The following B3GALT1 variants were observed in gnomAD, a reference collection of about 807,000 sequenced individuals.
The protein encoded by B3GALT1 is UDP-Gal:betaGlcNAc beta 1,3-galactosyltransferase, polypeptide 1.
Under a neutral mutation model 23.2 loss-of-function variants are expected in B3GALT1, and 10 were observed. That is an observed-to-expected ratio of 0.43 (90% CI 0.27 to 0.73). The LOEUF (loss-of-function observed/expected upper bound fraction) is 0.73. Ranked by LOEUF, B3GALT1 falls within the 30% of genes least tolerant of loss-of-function variation. The pLI, the probability that B3GALT1 is intolerant of heterozygous loss-of-function variation, is 0.21. For missense variants in B3GALT1, 299 were observed against 405.4 expected, an observed-to-expected ratio of 0.74 and a Z score of 2.25; for synonymous variants, 156 against 141.5, an observed-to-expected ratio of 1.10 and a Z score of -0.73.
intron 1 of B3GALT1, among the ~76,000 whole-genome samples, chr2:167,335,020 G>A (rs1467168827): frequency 6.6e-6 from 1 of 152,044 alleles, no homozygotes; most frequent in Non-Finnish European, 1.5e-5. Context: ...TCTTGCTAAG[G>A]CATTCATGCT....
chr2:167,806,825 G>C (rs564977448), intron 3 of B3GALT1, among the ~76,000 whole-genome samples: 85 of 152,168 alleles, frequency 5.6e-4, no homozygotes, highest in Middle Eastern at 3.4e-3. Context: ...TGATGCTGGC[G>C]TCATAAAATG....
chr2:167,387,487 G>A lies in B3GALT1; in HGVS notation c.-511+94153G>A, dbSNP rs76766655. On this transcript the variant is annotated intron_variant, in intron 1 of 4. Transcript: ENST00000392690. ...TTCAACTGCAAAATATCTTATTTGTGCCAAAAAAGACTGAGGGAAATTACA... is the reference window on the plus strand; with the variant it reads ...TTCAACTGCAAAATATCTTATTTGTACCAAAAAAGACTGAGGGAAATTACA... 7.3e-4 allele frequency among the ~76,000 whole-genome samples: 111 copies of A among 152,082 alleles called. 1 individual carries two copies. The East Asian group carries it at 0.018, about 24-fold the overall frequency.
At position 167,869,251 on chromosome 2, in the gene B3GALT1, A is replaced by G; in HGVS notation, c.212A>G (p.Asn71Ser). 1 of 1,614,176 alleles carries G rather than the reference A, an allele frequency of 6.2e-7. No homozygotes were observed. The highest frequency in any genetic ancestry group is 8.5e-7 in the Non-Finnish European group (1 of 1,180,020). The change falls in exon 5 of 5, where the codon AAT becomes AGT. Residue 71 changes from asparagine to serine, a missense_variant. Transcript: ENST00000392690. The surrounding 1 kb of genome is among the most constrained non-coding windows in gnomAD (Gnocchi z 6.4). ...HSFEFLINEP[N>S]KCEKNIPFLV... ...TTTGAATTTCTTATCAACGAGCCCA[A>G]TAAATGTGAGAAAAACATTCCTTTT...
chr2:167,788,896 C>T (rs836692), intron 3 of B3GALT1, among the ~76,000 whole-genome samples: 57,609 of 151,944 alleles, frequency 0.38, 12,032 homozygotes, highest in East Asian at 0.64. Context: ...TAATCATATT[C>T]CGTGACTGTC....
chr2:167,301,128 C>A (rs1408635785), intron 1 of B3GALT1, among the ~76,000 whole-genome samples: 2 of 152,104 alleles, frequency 1.3e-5, no homozygotes, highest in African/African-American at 2.4e-5. Context: ...AAAGGTTGAT[C>A]AAGGCAATGA....
At chr2:167,629,300 A>T (rs1685399048) in intron 2 of B3GALT1, among the ~76,000 whole-genome samples, 1 of 151,734 alleles carries the variant, frequency 6.6e-6, no homozygotes, top group African/African-American at 2.4e-5. Context: ...CTGAACAGGG[A>T]TGAACTGGAC....
chr2:167,771,210 A>G (rs2105308525), intron 3 of B3GALT1, among the ~76,000 whole-genome samples: 1 of 152,330 alleles, frequency 6.6e-6, no homozygotes, highest in South Asian at 2.1e-4. Context: ...GCGTCTTCAT[A>G]GTGCCTGACA....
chr2:167,423,279 G>A (rs1481233525), intron 1 of B3GALT1, among the ~76,000 whole-genome samples: 2 of 152,150 alleles, frequency 1.3e-5, no homozygotes, highest in Non-Finnish European at 2.9e-5. Flanking sequence ...TGTCAGCCCT[G>A]AGCTGGGAGA....
intron 3 of B3GALT1, chr2:167,815,083 G>C (rs1688969148): frequency 6.6e-6 from 1 of 152,282 alleles, no homozygotes; most frequent in South Asian, 2.1e-4. Flanking sequence ...TGCAGGGTCA[G>C]CTCAGGTCTG....
chr2:167,634,731 T>A (rs1189328539), intron 2 of B3GALT1, among the ~76,000 whole-genome samples: 1 of 151,570 alleles, frequency 6.6e-6, no homozygotes, highest in African/African-American at 2.4e-5. Flanking sequence ...CAAAAAAAAA[T>A]CCCAGGTCCA....
At chr2:167,332,973 A>G (rs550318617) in intron 1 of B3GALT1, among the ~76,000 whole-genome samples, 1 of 152,306 alleles carries the variant, frequency 6.6e-6, no homozygotes, top group South Asian at 2.1e-4. Context: ...AGCTCAGGCA[A>G]ATTCCAGGTC....
chr2:167,750,000 G>T (rs769004337), intron 3 of B3GALT1, among the ~76,000 whole-genome samples: 4 of 152,090 alleles, frequency 2.6e-5, no homozygotes, highest in Non-Finnish European at 5.9e-5. Context: ...AGAAAATTTG[G>T]CATGAGAGTG....
chr2:167,664,888 T>A lies in B3GALT1; in HGVS notation c.-352+17922T>A, dbSNP rs374259505. 1.8e-3 allele frequency among the ~76,000 whole-genome samples: 267 copies of A among 150,124 alleles called. 5 individuals are homozygous for A. The East Asian group carries it at 0.041, about 23-fold the overall frequency. On this transcript the variant is annotated intron_variant, in intron 3 of 4. Transcript: ENST00000392690. ...CTGAGACAATGGGGTTTTCTAGATA[T>A]ACAATCATGTCGTCTGCAAACAGGG... is the stretch of plus-strand genomic sequence containing the variant.
intron 1 of B3GALT1, among the ~76,000 whole-genome samples, chr2:167,442,467 A>G (rs919538697): frequency 2.0e-5 from 3 of 151,918 alleles, no homozygotes; most frequent in Non-Finnish European, 4.4e-5. Flanking sequence ...GACTTCCACA[A>G]TGGTTGAACT....
At chr2:167,809,793 C>G in intron 3 of B3GALT1, among the ~76,000 whole-genome samples, 1 of 152,110 alleles carries the variant, frequency 6.6e-6, no homozygotes, top group Admixed American at 6.5e-5. Flanking sequence ...CTGGGAGAAC[C>G]ACTACTCTCT....
chr2:167,505,675 C>G (rs1699907535), intron 2 of B3GALT1, among the ~76,000 whole-genome samples: 1 of 151,986 alleles, frequency 6.6e-6, no homozygotes, highest in Non-Finnish European at 1.5e-5. Context: ...ATACCCTGTT[C>G]ACAAAAATGT....
At chr2:167,850,654 A>G (rs1047500439) in intron 4 of B3GALT1, among the ~76,000 whole-genome samples, 4 of 152,244 alleles carry the variant, frequency 2.6e-5, no homozygotes, top group Non-Finnish European at 4.4e-5. Flanking sequence ...ATGCCCATCA[A>G]TCAAGGAATG....
chr2:167,511,224 T>G (rs1699998999), intron 2 of B3GALT1, among the ~76,000 whole-genome samples: 1 of 152,194 alleles, frequency 6.6e-6, no homozygotes, highest in Admixed American at 6.5e-5. Context: ...AATGATATGA[T>G]TTGGCTGTGT....
Position 167,425,418 on chromosome 2 carries a change from G to A in B3GALT1, c.-510-64759G>A, listed in dbSNP as rs142010308. On this transcript the variant is annotated intron_variant, in intron 1 of 4. Coordinates refer to ENST00000392690, the MANE Select transcript of B3GALT1 (RefSeq NM_020981.4). The stretch of plus-strand genomic sequence containing the variant: ...AGTATTAAAGAATGAATCCCAGCAA[G>A]GGAAAAAAAATCACTACACCTATTT... Among the ~76,000 whole-genome samples the A allele has an allele frequency of 4.0e-3, 609 of 151,960 alleles. 5 individuals carry two copies. Among genetic ancestry groups the A allele is most frequent in the African/African-American group, 0.014 (584 of 41,480 alleles).
Sources: allele counts gnomAD v4.1 joint callset (sites outside exome capture counted in the v4.1 genomes callset), GRCh38; gene constraint gnomAD v4.1.1; non-coding constraint Gnocchi (gnomAD v3.1); transcripts MANE v1.5; gene names NCBI Gene and HGNC (gene_info 2026-07-23, HGNC 2026-07-21).